CACFD1: variants seen among roughly 807,000 people sequenced by gnomAD.
The protein encoded by CACFD1 is calcium channel flower domain containing 1, also known as calcium channel flower homolog.
Under a neutral mutation model 21.3 loss-of-function variants are expected in CACFD1, and 26 were observed. The observed-to-expected ratio is 1.22, with a 90% CI of 0.89 to 1.69. The LOEUF (loss-of-function observed/expected upper bound fraction) is 1.69. Ranked by LOEUF, CACFD1 falls within the 40% of genes most tolerant of loss-of-function variation. CACFD1 has a pLI of 0.00. For synonymous variants in CACFD1, 121 were observed against 106.6 expected (o/e 1.13, Z -0.83); for missense variants, 265 against 236.2 (o/e 1.12, Z -0.80).
At chr9:133,464,225 G>A (rs1843337890) in intron 2 of CACFD1, among the ~76,000 whole-genome samples, 1 of 152,224 alleles carries the variant, frequency 6.6e-6, no homozygotes, top group Admixed American at 6.5e-5. Flanking sequence ...GCCTTGAGGG[G>A]TACAGAGCTA....
At position 133,460,005 on chromosome 9, in the gene CACFD1, T is replaced by A; in HGVS notation, c.-62T>A. 6 of 1,466,328 alleles carry A rather than the reference T, an allele frequency of 4.1e-6. No homozygotes were observed. In the South Asian group the frequency reaches 7.9e-5, roughly 19 times the overall value. 90.8% of individuals were successfully genotyped at this position (1,466,328 alleles called of 1,614,324 possible). On this transcript the variant is annotated 5_prime_UTR_variant, in exon 1 of 5. Coordinates refer to ENST00000316948, the MANE Select transcript of CACFD1 (RefSeq NM_017586.5). ...CTCTCCCACAAGGCAGCGCGCCGGC[T>A]CGGACGCGGCCGGCTACCGAGCCCT...
At chr9:133,468,530 G>A (rs1159112998) in intron 4 of CACFD1, 33 bp from the exon 5 acceptor site, 11 of 1,556,494 alleles carry the variant, frequency 7.1e-6, no homozygotes, top group African/African-American at 1.4e-5. Context: ...TGGGGCTGGT[G>A]CTCCACGTGA....
rs781785048 is a variant in CACFD1, at chr9:133,465,421, C to G, written c.294C>G (p.Ser98=). The G allele has an allele frequency of 5.0e-6, 8 of 1,613,218 alleles. No homozygotes were observed. The highest frequency in any genetic ancestry group is 3.3e-5 in the Admixed American group (2 of 59,936). ...CGGAGAAGGTGGACCGGCTGCGCTCCTGGCAGAAGGCTGTCTTCTACTGCG... is the reference window on the plus strand; with the variant it reads ...CGGAGAAGGTGGACCGGCTGCGCTCGTGGCAGAAGGCTGTCTTCTACTGCG... ...TVAEKVDRLR[S]WQKAVFYCGM... Residue 98 remains serine (S), a synonymous_variant, in exon 3 of 5, where the codon TCC becomes TCG. Coordinates refer to ENST00000316948, the MANE Select transcript of CACFD1 (RefSeq NM_017586.5). The surrounding 1 kb of genome is among the most constrained non-coding windows in gnomAD (Gnocchi z 5.0).
intron 1 of CACFD1, among the ~76,000 whole-genome samples, chr9:133,460,471 C>CGGGGG (rs1554798194): frequency 7.9e-6 from 1 of 125,818 alleles, no homozygotes; most frequent in Non-Finnish European, 1.8e-5. Flanking sequence ...GGCGGGGGGG[C>CGGGGG]GGCGGGGGCG....
At chr9:133,460,251 C>G in intron 1 of CACFD1, 64 bp downstream of exon 1, 1 of 1,356,838 alleles carries the variant, frequency 7.4e-7, no homozygotes, top group African/African-American at 1.5e-5. Flanking sequence ...CCTGCCCTGC[C>G]CCGCCCCGCC....
chr9:133,468,040 A>C lies in CACFD1; in HGVS notation c.428+12A>C, dbSNP rs781962033. 6.2e-7 allele frequency: 1 copy of C among 1,607,142 alleles called. No individual in the cohort carries two copies. The highest frequency in any genetic ancestry group is 8.5e-7 in the Non-Finnish European group (1 of 1,174,152). ...GCTCTGGGCAAAAAGTGCGTCTGCC[A>C]GGCCCAGCCCCTGGGCAGGGCCTTC... On this transcript the variant is annotated intron_variant, in intron 4 of 4. Coordinates refer to ENST00000316948, the MANE Select transcript of CACFD1 (RefSeq NM_017586.5).
intron 4 of CACFD1, 71 bp from the exon 5 acceptor site, chr9:133,468,492 C>T (rs782758663): frequency 1.9e-5 from 29 of 1,543,360 alleles, no homozygotes; most frequent in African/African-American, 1.2e-4. Context: ...GGGCAGGAAC[C>T]GGGCAGTGGT....
chr9:133,463,575 C>G lies in CACFD1; in HGVS notation c.194+20C>G. 6.2e-7 allele frequency: 1 copy of G among 1,613,176 alleles called. No homozygotes were observed. The highest frequency in any genetic ancestry group is 8.5e-7 in the Non-Finnish European group (1 of 1,179,346). ...GATGATGTGAGTAATGCATGGCCGT[C>G]CCACCCCGGGGGTCTTGCTGGTCGG... is the stretch of plus-strand genomic sequence containing the variant. On this transcript the variant is annotated intron_variant, in intron 2 of 4. Coordinates refer to ENST00000316948, the MANE Select transcript of CACFD1 (RefSeq NM_017586.5).
chr9:133,463,334 C>G, intron 1 of CACFD1, 149 bp from the exon 2 acceptor site: 2 of 1,459,530 alleles, frequency 1.4e-6, no homozygotes, highest in Non-Finnish European at 1.8e-6. Context: ...CTGTCTCAGA[C>G]GATAGAGGGC....
At position 133,460,188 on chromosome 9, in the gene CACFD1, G is replaced by C; in HGVS notation, c.121+1G>C. On this transcript the variant is annotated splice_donor_variant, in intron 1 of 4. Transcript: ENST00000316948. LOFTEE classifies it high-confidence loss of function. ...CTGTCTGGGGTGCTGGGGGCAGTCT[G>C]TGAGTATCCAGTCGGGGAGAGGGGC... 1 of 1,542,734 alleles carries C rather than the reference G, an allele frequency of 6.5e-7. No individual in the cohort carries two copies. The highest frequency in any genetic ancestry group is 1.2e-5 in the South Asian group (1 of 83,630).
Position 133,465,281 on chromosome 9 carries a change from G to C in CACFD1, c.195-41G>C. ...CTGGGGGCCGCCCTCATCCTCCTGG[G>C]ATTGTCAGTCGCTGCTCTTCTCCTG... is the stretch of plus-strand genomic sequence containing the variant. On this transcript the variant is annotated intron_variant, in intron 2 of 4. Coordinates refer to ENST00000316948, the MANE Select transcript of CACFD1 (RefSeq NM_017586.5). This position sits in a 1 kb window ranked among gnomAD's most constrained non-coding sequence, Gnocchi z 5.0. The C allele has an allele frequency of 6.2e-7, 1 of 1,611,818 alleles. No homozygotes were observed. Among genetic ancestry groups the C allele is most frequent in the Non-Finnish European group, 8.5e-7 (1 of 1,179,560 alleles).
intron 3 of CACFD1, among the ~76,000 whole-genome samples, chr9:133,467,351 G>A (rs587763980): frequency 6.6e-6 from 1 of 152,324 alleles, no homozygotes; most frequent in South Asian, 2.1e-4. Flanking sequence ...GGCCGACCCC[G>A]CAGACCCCGC....
In CACFD1 at chr9:133,470,614, C is replaced by T. The variant is rs1843662326; in HGVS notation, c.*1961C>T. The T allele has an allele frequency of 6.6e-6, 1 of 152,374 alleles. No homozygotes were observed. The highest frequency in any genetic ancestry group is 2.4e-5 in the African/African-American group (1 of 41,480). The allele number at this position is 152,374 out of a possible 1,614,324, so 9.4% of individuals were successfully genotyped here. On this transcript the variant is annotated 3_prime_UTR_variant, in exon 5 of 5. Transcript: ENST00000316948. ...CCCTGTCGCCCAGGGGGCGTGCTGT[C>T]CAGCAGGGGCCCTGCCTTGCAAGGA...
rs1843406018 is a variant in CACFD1, at chr9:133,465,601, T to C, written c.320+154T>C. Reference sequence around the variant, plus strand: ...GCCTTTGTGCACAGTGATTTGCTCATAGCTGCCAAAACGTGCCCCAGTGGT... The same window carrying C: ...GCCTTTGTGCACAGTGATTTGCTCACAGCTGCCAAAACGTGCCCCAGTGGT... On this transcript the variant is annotated intron_variant, in intron 3 of 4. Transcript: ENST00000316948. This position sits in a 1 kb window ranked among gnomAD's most constrained non-coding sequence, Gnocchi z 5.0. The C allele has an allele frequency of 6.3e-6, 5 of 792,756 alleles. No homozygotes were observed. Among genetic ancestry groups the C allele is most frequent in the Admixed American group, 2.9e-5 (1 of 34,722 alleles). 49.1% of individuals were successfully genotyped at this position (792,756 alleles called of 1,614,324 possible).
chr9:133,467,846 C>A, intron 3 of CACFD1, 75 bp from the exon 4 acceptor site: 1 of 1,089,630 alleles, frequency 9.2e-7, no homozygotes. Context: ...GGATGCTGGG[C>A]CGAGTCTGGG....
intron 2 of CACFD1, 127 bp downstream of exon 2, chr9:133,463,682 C>A: frequency 1.0e-6 from 1 of 956,028 alleles, no homozygotes; most frequent in Non-Finnish European, 1.6e-6. Flanking sequence ...TGGCTACTGG[C>A]TCCAGCCTGG....
intron 1 of CACFD1, chr9:133,462,227 C>T (rs1554798692): frequency 7.7e-7 from 1 of 1,304,126 alleles, no homozygotes; most frequent in African/African-American, 1.5e-5. Flanking sequence ...CAGGTGAGGC[C>T]AGGCACAGCA....
At position 133,465,509 on chromosome 9, in the gene CACFD1, G is replaced by A. The variant is rs907667406; in HGVS notation, c.320+62G>A. 3 of 1,528,504 alleles carry A rather than the reference G, an allele frequency of 2.0e-6. No individual in the cohort carries two copies. The African/African-American group carries it at 4.1e-5, about 21-fold the overall frequency. 94.7% of individuals were successfully genotyped at this position (1,528,504 alleles called of 1,614,324 possible). A position where few individuals can be genotyped will look rare whatever the true frequency, so the allele number is the denominator to read the frequency against. On this transcript the variant is annotated intron_variant, in intron 3 of 4. Transcript: ENST00000316948. The surrounding 1 kb of genome is among the most constrained non-coding windows in gnomAD (Gnocchi z 5.0). The stretch of plus-strand genomic sequence containing the variant: ...CCCCAAAACCCCACTGACAAAATAG[G>A]ACCCAAAAGTCAGGTGAGGGTGGGC...
chr9:133,462,308 C>T lies in CACFD1; in HGVS notation c.122-1175C>T, dbSNP rs587770522. On this transcript the variant is annotated intron_variant, in intron 1 of 4. Transcript: ENST00000316948. ...GGCAGGCCCCTGTGTACCTGTGGTT[C>T]TGGAACACCTTGCTGTCTGAAGGCA... The T allele has an allele frequency of 9.1e-5, 118 of 1,300,294 alleles. No individual in the cohort carries two copies. The South Asian group carries it at 1.4e-3, about 15-fold the overall frequency. 80.5% of individuals were successfully genotyped at this position (1,300,294 alleles called of 1,614,324 possible). A position where few individuals can be genotyped will look rare whatever the true frequency, so the allele number is the denominator to read the frequency against.
Sources: allele counts gnomAD v4.1 joint callset (sites outside exome capture counted in the v4.1 genomes callset), GRCh38; gene constraint gnomAD v4.1.1; non-coding constraint Gnocchi (gnomAD v3.1); transcripts MANE v1.5; gene names NCBI Gene and HGNC (gene_info 2026-07-23, HGNC 2026-07-21).